Variants in LYPLAL1 observed in about 807,000 individuals in gnomAD.
The protein encoded by LYPLAL1 is lysophospholipase like 1, also known as lysophospholipase-like protein 1.
Under a neutral mutation model 19.7 loss-of-function variants are expected in LYPLAL1, and 23 were observed. That is an observed-to-expected ratio of 1.17 (90% CI 0.84 to 1.65). The LOEUF is 1.65. LYPLAL1 is among the 40% of genes most tolerant of loss of function. LYPLAL1 has a pLI of 0.00. For missense variants in LYPLAL1, 355 were observed against 279.4 expected (o/e 1.27, Z -1.93); for synonymous variants, 119 against 96.3 (o/e 1.24, Z -1.38).
At chr1:219,424,400 G>A in the LYPLAL1 span, among the ~76,000 whole-genome samples, 1 of 152,150 alleles carries the variant, frequency 6.6e-6, no homozygotes, top group African/African-American at 2.4e-5. Context: ...GAGACTCCTT[G>A]TGAGCTCAAG....
chr1:219,415,263 A>G, the LYPLAL1 span, among the ~76,000 whole-genome samples: 1 of 152,260 alleles, frequency 6.6e-6, no homozygotes, highest in Admixed American at 6.5e-5. Flanking sequence ...AACCCCCACA[A>G]AATCAGTGAA....
At chr1:219,209,903 A>G (rs1343423842) in intron 3 of LYPLAL1, among the ~76,000 whole-genome samples, 1 of 152,140 alleles carries the variant, frequency 6.6e-6, no homozygotes, top group African/African-American at 2.4e-5. Context: ...TAAAGAGACA[A>G]TAACAGTTTG....
At chr1:219,388,579 C>T in the LYPLAL1 span, among the ~76,000 whole-genome samples, 1 of 152,040 alleles carries the variant, frequency 6.6e-6, no homozygotes, top group South Asian at 2.1e-4. Context: ...TGGAAGGGTT[C>T]GATTCTGTCA....
the LYPLAL1 span, among the ~76,000 whole-genome samples, chr1:219,440,848 G>T: frequency 3.7e-4 from 57 of 152,254 alleles, no homozygotes; most frequent in African/African-American, 1.3e-3. Context: ...TAATGATATA[G>T]TGTATCTAAA....
intron 2 of LYPLAL1, among the ~76,000 whole-genome samples, chr1:219,191,686 GGGT>G (rs1244753714): frequency 5.3e-5 from 8 of 150,908 alleles, no homozygotes; most frequent in Non-Finnish European, 8.9e-5. Flanking sequence ...ATGTAGAGAT[GGGT>G]AAAAAATGAA....
rs537617894 is a variant in LYPLAL1, at chr1:219,212,489, A to T, written c.*761A>T. ...AGGAGAGTCATGATCTGGTTCCAGG[A>T]ATACATTGTTAGATGACTGAAAAAT... On this transcript the variant is annotated 3_prime_UTR_variant, in exon 5 of 5. Coordinates refer to ENST00000366928, the MANE Select transcript of LYPLAL1 (RefSeq NM_138794.5). 6.6e-6 allele frequency: 1 copy of T among 152,182 alleles called. No homozygotes were observed. Among genetic ancestry groups the T allele is most frequent in the African/African-American group, 2.4e-5 (1 of 41,560 alleles). 9.4% of individuals were successfully genotyped at this position (152,182 alleles called of 1,614,324 possible).
At chr1:219,232,492 A>G in the LYPLAL1 span, among the ~76,000 whole-genome samples, 4 of 152,268 alleles carry the variant, frequency 2.6e-5, no homozygotes, top group East Asian at 7.7e-4. Flanking sequence ...TTTCTTGGGT[A>G]TGACAGCAAA....
At chr1:219,281,132 G>A in the LYPLAL1 span, among the ~76,000 whole-genome samples, 1 of 152,194 alleles carries the variant, frequency 6.6e-6, no homozygotes, top group African/African-American at 2.4e-5. Flanking sequence ...TGATTGAGAT[G>A]ACATTCCATT....
the LYPLAL1 span, among the ~76,000 whole-genome samples, chr1:219,402,902 T>C: frequency 6.6e-6 from 1 of 152,234 alleles, no homozygotes; most frequent in East Asian, 1.9e-4. Flanking sequence ...GGAATATAGA[T>C]ATTCCCAGGA....
chr1:219,308,861 G>C, the LYPLAL1 span, among the ~76,000 whole-genome samples: 2 of 152,188 alleles, frequency 1.3e-5, no homozygotes, highest in African/African-American at 4.8e-5. Flanking sequence ...CAGAGTCCCT[G>C]CTGGGGCACT....
At chr1:219,323,115 G>A in the LYPLAL1 span, among the ~76,000 whole-genome samples, 1 of 152,152 alleles carries the variant, frequency 6.6e-6, no homozygotes, top group Non-Finnish European at 1.5e-5. Context: ...TATAAACAGC[G>A]GGACAACCAT....
intron 2 of LYPLAL1, among the ~76,000 whole-genome samples, chr1:219,191,070 A>G (rs932143525): frequency 7.9e-5 from 12 of 151,682 alleles, no homozygotes; most frequent in African/African-American, 1.9e-4. Flanking sequence ...TAAAACTTCA[A>G]TTGATACTCT....
chr1:219,292,024 C>G, the LYPLAL1 span, among the ~76,000 whole-genome samples: 2 of 152,200 alleles, frequency 1.3e-5, no homozygotes, highest in Non-Finnish European at 2.9e-5. Context: ...TCCTGCTCTT[C>G]AAAAGCAGGC....
chr1:219,188,962 A>G (rs1656938438), intron 2 of LYPLAL1, among the ~76,000 whole-genome samples: 1 of 151,802 alleles, frequency 6.6e-6, no homozygotes, highest in East Asian at 1.9e-4. Context: ...AGATTTATAC[A>G]TTCTTGTTTA....
the LYPLAL1 span, among the ~76,000 whole-genome samples, chr1:219,360,153 C>G: frequency 1.3e-5 from 2 of 152,172 alleles, no homozygotes; most frequent in Admixed American, 1.3e-4. Flanking sequence ...CCAGCAAGAG[C>G]TGTACCTAGC....
At chr1:219,252,007 C>T in the LYPLAL1 span, among the ~76,000 whole-genome samples, 2 of 151,330 alleles carry the variant, frequency 1.3e-5, no homozygotes, top group African/African-American at 2.4e-5. Context: ...ATGTGTATTC[C>T]TAGCTGTATT....
the LYPLAL1 span, among the ~76,000 whole-genome samples, chr1:219,351,234 T>C: frequency 2.5e-3 from 378 of 152,188 alleles, 11 homozygotes; most frequent in Admixed American, 0.023. Context: ...CTTACACACA[T>C]ATACACTTTC....
chr1:219,289,472 A>G, the LYPLAL1 span, among the ~76,000 whole-genome samples: 1 of 152,206 alleles, frequency 6.6e-6, no homozygotes, highest in Non-Finnish European at 1.5e-5. Context: ...CTTGTGCCTA[A>G]TGATCTTACA....
At chr1:219,354,889 G>C in the LYPLAL1 span, among the ~76,000 whole-genome samples, 7 of 150,806 alleles carry the variant, frequency 4.6e-5, no homozygotes, top group Non-Finnish European at 1.0e-4. Flanking sequence ...TTTTTAAAAA[G>C]ATATTTGACT....
Sources: gnomAD v4.1 joint callset for allele counts (sites outside exome capture counted in the v4.1 genomes callset) on GRCh38, gnomAD v4.1.1 for gene constraint, MANE v1.5 for transcripts, NCBI Gene and HGNC (gene_info 2026-07-23, HGNC 2026-07-21) for gene names.